Variants in TMEM242 observed in about 807,000 individuals in gnomAD.
TMEM242 encodes the protein UPF0463 transmembrane protein C6orf35.
Under a neutral mutation model 18.2 loss-of-function variants are expected in TMEM242, and 10 were observed. The observed-to-expected ratio is 0.55, with a 90% CI of 0.34 to 0.93. The LOEUF (loss-of-function observed/expected upper bound fraction) is 0.93. Among genes scored for constraint, TMEM242 ranks in the 40% least tolerant of loss-of-function variants. The pLI, the probability that TMEM242 is intolerant of heterozygous loss-of-function variation, is 0.02. For synonymous variants in TMEM242, 57 were observed against 69.9 expected, an observed-to-expected ratio of 0.81 and a Z score of 0.92; for missense variants, 186 against 175.5, an observed-to-expected ratio of 1.06 and a Z score of -0.34.
chr6:157,308,506 T>C (rs935390867), intron 3 of TMEM242, among the ~76,000 whole-genome samples: 9 of 152,228 alleles, frequency 5.9e-5, no homozygotes, highest in Non-Finnish European at 1.2e-4. Context: ...GATTCTCTTG[T>C]AATAGGAAAG....
intron 3 of TMEM242, among the ~76,000 whole-genome samples, chr6:157,294,227 A>G (rs1198609438): frequency 6.6e-6 from 1 of 152,098 alleles, no homozygotes; most frequent in African/African-American, 2.4e-5. Context: ...GCAGCACCAC[A>G]GTACTGCCTT....
At chr6:157,309,733 C>CA in intron 3 of TMEM242, among the ~76,000 whole-genome samples, 1 of 150,592 alleles carries the variant, frequency 6.6e-6, no homozygotes, top group South Asian at 2.1e-4. Context: ...AAAAACAAAT[C>CA]AAAAACTCCC....
intron 3 of TMEM242, 131 bp downstream of exon 3, chr6:157,318,651 C>T (rs1361548744): frequency 8.0e-6 from 8 of 994,516 alleles, no homozygotes; most frequent in Middle Eastern, 4.4e-4. Flanking sequence ...AGAATTTAGT[C>T]ACGTACTCTG....
intron 3 of TMEM242, chr6:157,299,163 T>C: frequency 2.5e-6 from 1 of 396,838 alleles, no homozygotes; most frequent in Middle Eastern, 5.8e-4. Flanking sequence ...TACTTCTTCA[T>C]CTATTCCACA....
At chr6:157,310,617 C>A (rs2128414555) in intron 3 of TMEM242, among the ~76,000 whole-genome samples, 1 of 152,040 alleles carries the variant, frequency 6.6e-6, no homozygotes, top group Non-Finnish European at 1.5e-5. Flanking sequence ...AGTGTGCCCT[C>A]ACCTAGCCTC....
intron 3 of TMEM242, among the ~76,000 whole-genome samples, chr6:157,297,172 GATGGAAGCTCAGAGAAACGAAACA>G (rs1554247227): frequency 6.6e-6 from 1 of 152,200 alleles, no homozygotes; most frequent in Non-Finnish European, 1.5e-5. Context: ...AAGCTATGGT[GATGGAAGCTCAGAGAAACGAAACA>G]ATGTGCTCAG....
At position 157,298,008 on chromosome 6, in the gene TMEM242, A is replaced by G. The variant is rs185725777; in HGVS notation, c.328-5009T>C. ...ATTGATTTAGAAATACAAAGCACAC[A>G]TGTAACTTTCTGAGAAATACAATCC... is the stretch of plus-strand genomic sequence containing the variant. On this transcript the variant is annotated intron_variant, in intron 3 of 3. Coordinates refer to ENST00000400788, the MANE Select transcript of TMEM242 (RefSeq NM_018452.6). 4.6e-5 allele frequency among the ~76,000 whole-genome samples: 7 copies of G among 152,372 alleles called. 2 individuals are homozygous for G. The highest frequency in any genetic ancestry group is 1.7e-4 in the African/African-American group (7 of 41,590).
chr6:157,300,722 TGGG>T (rs1554247472), intron 3 of TMEM242, among the ~76,000 whole-genome samples: 17 of 152,322 alleles, frequency 1.1e-4, no homozygotes, highest in African/African-American at 4.1e-4. Flanking sequence ...AGGGGCCCGC[TGGG>T]AGTCATCCCA....
chr6:157,298,275 C>T (rs782365180), intron 3 of TMEM242, among the ~76,000 whole-genome samples: 11 of 152,210 alleles, frequency 7.2e-5, no homozygotes, highest in Non-Finnish European at 1.0e-4. Context: ...ATGATTTTTA[C>T]TCAGTCAGGC....
intron 3 of TMEM242, among the ~76,000 whole-genome samples, chr6:157,314,650 ATCT>A (rs1554250173): frequency 1.3e-5 from 2 of 152,218 alleles, no homozygotes; most frequent in African/African-American, 4.8e-5. Context: ...CTAACAAGAC[ATCT>A]TCTGCTACCT....
intron 3 of TMEM242, 53 bp from the exon 4 acceptor site, chr6:157,293,052 G>T: frequency 1.4e-6 from 2 of 1,404,022 alleles, no homozygotes; most frequent in Non-Finnish European, 2.0e-6. Flanking sequence ...GAGAAAAACA[G>T]CTATTAGAGA....
intron 3 of TMEM242, among the ~76,000 whole-genome samples, chr6:157,314,284 T>C (rs1554250085): frequency 2.0e-5 from 3 of 147,578 alleles, no homozygotes; most frequent in Admixed American, 6.7e-5. Flanking sequence ...GGCCTCATCA[T>C]AGTGTCGCAG....
rs187910960 is a variant in TMEM242, at chr6:157,305,014, G to T, written c.328-12015C>A. Reference sequence around the variant, plus strand: ...GCTCAAGATGAGGTCAGTGAGGTTGGTGGGGCTACATCATGTAAACCTTCT... The same window carrying T: ...GCTCAAGATGAGGTCAGTGAGGTTGTTGGGGCTACATCATGTAAACCTTCT... On this transcript the variant is annotated intron_variant, in intron 3 of 3. Coordinates refer to ENST00000400788, the MANE Select transcript of TMEM242 (RefSeq NM_018452.6). The surrounding 1 kb of genome is among the most constrained non-coding windows in gnomAD (Gnocchi z 4.1). 6.6e-6 allele frequency among the ~76,000 whole-genome samples: 1 copy of T among 152,278 alleles called. No individual in the cohort carries two copies. The highest frequency in any genetic ancestry group is 1.5e-5 in the Non-Finnish European group (1 of 68,004).
chr6:157,307,002 A>G (rs1471671459), intron 3 of TMEM242, among the ~76,000 whole-genome samples: 1 of 152,248 alleles, frequency 6.6e-6, no homozygotes, highest in Admixed American at 6.5e-5. Context: ...TTTCTGATAT[A>G]CCGGTAAGTG....
intron 3 of TMEM242, among the ~76,000 whole-genome samples, chr6:157,314,559 T>C (rs766380989): frequency 1.3e-4 from 20 of 152,208 alleles, no homozygotes; most frequent in Non-Finnish European, 2.6e-4. Context: ...TTGGCCAGGG[T>C]GGGCCGGGGA....
At chr6:157,321,229 C>CA (rs1778492477) in intron 2 of TMEM242, among the ~76,000 whole-genome samples, 1 of 152,022 alleles carries the variant, frequency 6.6e-6, no homozygotes, top group Non-Finnish European at 1.5e-5. Flanking sequence ...AGGATGGTCT[C>CA]AGTCTCCTGA....
At chr6:157,320,849 TTAAGA>T (rs1554250668) in intron 2 of TMEM242, among the ~76,000 whole-genome samples, 1 of 152,240 alleles carries the variant, frequency 6.6e-6, no homozygotes, top group Non-Finnish European at 1.5e-5. Flanking sequence ...TTATTCATTG[TTAAGA>T]TGTCTGCCAA....
chr6:157,313,112 G>C (rs1583570933), intron 3 of TMEM242, among the ~76,000 whole-genome samples: 9 of 91,186 alleles, frequency 9.9e-5, no homozygotes, highest in East Asian at 3.6e-4. Context: ...GTCCCAGTGT[G>C]TGCTCACCCG....
intron 3 of TMEM242, among the ~76,000 whole-genome samples, chr6:157,302,014 G>A (rs1425045690): frequency 6.6e-6 from 1 of 152,170 alleles, no homozygotes. Flanking sequence ...TGTGCCATCA[G>A]CTGAGTTCCT....
Sources: allele counts gnomAD v4.1 joint callset (sites outside exome capture counted in the v4.1 genomes callset), GRCh38; gene constraint gnomAD v4.1.1; non-coding constraint Gnocchi (gnomAD v3.1); transcripts MANE v1.5; gene names NCBI Gene and HGNC (gene_info 2026-07-23, HGNC 2026-07-21).